PIWIL2: variants seen among roughly 807,000 people sequenced by gnomAD.
PIWIL2 encodes the protein piwi-like protein 2.
In PIWIL2, 81 loss-of-function variants were observed where a neutral mutation model predicts 116.5. That is an observed-to-expected ratio of 0.70 (90% CI 0.58 to 0.84). PIWIL2 has a LOEUF of 0.84. PIWIL2 is among the 40% of genes least tolerant of loss of function. The pLI is 0.00. For synonymous variants in PIWIL2, 489 were observed against 429.5 expected, an observed-to-expected ratio of 1.14 and a Z score of -1.71; for missense variants, 1,272 against 1,212.3, an observed-to-expected ratio of 1.05 and a Z score of -0.73.
rs140845698 is a variant in PIWIL2, at chr8:22,351,804, G to T, written c.2404-1155G>T. On this transcript the variant is annotated intron_variant, in intron 20 of 22. Transcript: ENST00000356766. ...TCCACCCACCTCGGCCTCTGAGAGT[G>T]CTGGGATTACAGGCGTGACCCACCG... Among the ~76,000 whole-genome samples the T allele has an allele frequency of 4.4e-3, 665 of 151,704 alleles. 7 individuals carry two copies. Among genetic ancestry groups the T allele is most frequent in the African/African-American group, 0.016 (642 of 41,340 alleles).
intron 20 of PIWIL2, among the ~76,000 whole-genome samples, chr8:22,352,267 A>G (rs1209937884): frequency 6.6e-6 from 1 of 152,222 alleles, no homozygotes; most frequent in Non-Finnish European, 1.5e-5. Flanking sequence ...TTGAAGTTGA[A>G]CACAACTAGA....
At position 22,305,292 on chromosome 8, in the gene PIWIL2, A is replaced by AG. The variant is rs570558550; in HGVS notation, c.1455+424_1455+425insG. ...ACTGCAAGCTCCGCCTCCCGGGTTC[A>AG]CATCATTCTCCTGCCTCAGCCTCCT... On this transcript the variant is annotated intron_variant, in intron 12 of 22. Coordinates refer to ENST00000356766, the MANE Select transcript of PIWIL2 (RefSeq NM_018068.5). 2.0e-5 allele frequency among the ~76,000 whole-genome samples: 3 copies of AG among 152,116 alleles called. No individual in the cohort carries two copies. The East Asian group carries it at 5.8e-4, about 29-fold the overall frequency.
chr8:22,308,523 C>T (rs1054921009), intron 14 of PIWIL2, among the ~76,000 whole-genome samples: 1 of 151,798 alleles, frequency 6.6e-6, no homozygotes, highest in Non-Finnish European at 1.5e-5. Context: ...TGTCGAGGCA[C>T]GAGCCTGTAA....
At chr8:22,352,879 C>A in intron 20 of PIWIL2, 80 bp from the exon 21 acceptor site, 1 of 1,392,104 alleles carries the variant, frequency 7.2e-7, no homozygotes, top group Non-Finnish European at 9.9e-7. Context: ...CCAGGCTACA[C>A]AATGCGAGTG....
intron 20 of PIWIL2, among the ~76,000 whole-genome samples, chr8:22,322,445 G>A (rs117427499): frequency 1.3e-5 from 2 of 150,970 alleles, no homozygotes; most frequent in African/African-American, 4.9e-5. Context: ...GAGACAGAGG[G>A]TCACTATATT....
chr8:22,281,552 C>G (rs2131980973), intron 4 of PIWIL2, 37 bp downstream of exon 4: 1 of 1,503,874 alleles, frequency 6.6e-7, no homozygotes, highest in Non-Finnish European at 8.9e-7. Context: ...CTATCAAATT[C>G]AGATGGAATA....
At position 22,353,062 on chromosome 8, in the gene PIWIL2, G is replaced by C; in HGVS notation, c.2507G>C (p.Cys836Ser). Residue 836 changes from cysteine to serine, a missense_variant, in exon 21 of 23, where the codon TGT becomes TCT. Cys to Ser is a moderately radical substitution (Grantham distance 112). Transcript: ENST00000356766. The part of the protein sequence containing the change: ...ANYEIPQLQK[C>S]FEAFENYQPK... ...TATGAGATTCCTCAACTACAGAAGT[G>C]TTTTGAAGCTTTTGAGAATTATCAG... 6.2e-7 allele frequency: 1 copy of C among 1,614,190 alleles called. No individual in the cohort carries two copies. The highest frequency in any genetic ancestry group is 8.5e-7 in the Non-Finnish European group (1 of 1,180,016).
chr8:22,343,872 A>T (rs1832166165), intron 20 of PIWIL2, among the ~76,000 whole-genome samples: 1 of 152,192 alleles, frequency 6.6e-6, no homozygotes, highest in Non-Finnish European at 1.5e-5. Flanking sequence ...ACATACCAAC[A>T]ATCACGCTCC....
At chr8:22,280,345 G>T (rs2131978368) in intron 2 of PIWIL2, among the ~76,000 whole-genome samples, 1 of 152,266 alleles carries the variant, frequency 6.6e-6, no homozygotes, top group East Asian at 1.9e-4. Flanking sequence ...AGTTATTGCT[G>T]CTGCTGTGTG....
At chr8:22,282,640 T>C (rs1044874058) in intron 4 of PIWIL2, among the ~76,000 whole-genome samples, 34 of 151,922 alleles carry the variant, frequency 2.2e-4, no homozygotes, top group African/African-American at 8.0e-4. Context: ...ACCCAGGCTT[T>C]AGTGCAGTGG....
chr8:22,326,748 A>G (rs940167566), intron 20 of PIWIL2, among the ~76,000 whole-genome samples: 8 of 152,308 alleles, frequency 5.3e-5, no homozygotes, highest in African/African-American at 1.7e-4. Context: ...CTTGTTGATA[A>G]ACATTTGGGC....
At position 22,322,510 on chromosome 8, in the gene PIWIL2, C is replaced by T. The variant is rs554240969; in HGVS notation, c.2403+4235C>T. Among the ~76,000 whole-genome samples, 82 of 152,218 alleles carry T rather than the reference C, an allele frequency of 5.4e-4. 1 individual carries two copies. The highest frequency in any genetic ancestry group is 2.4e-4 in the Non-Finnish European group (16 of 68,026). ...CTCAAACTCCTGGCCTCAAGCTATCCGCCTACTCAGCGTCCCAGAGTGCTG... is the reference window on the plus strand; with the variant it reads ...CTCAAACTCCTGGCCTCAAGCTATCTGCCTACTCAGCGTCCCAGAGTGCTG... On this transcript the variant is annotated intron_variant, in intron 20 of 22. Coordinates refer to ENST00000356766, the MANE Select transcript of PIWIL2 (RefSeq NM_018068.5).
At chr8:22,299,635 A>G (rs995010568) in intron 10 of PIWIL2, among the ~76,000 whole-genome samples, 9 of 152,220 alleles carry the variant, frequency 5.9e-5, no homozygotes, top group Admixed American at 3.9e-4. Context: ...GTAAAGGTAC[A>G]ATTGACATCC....
At position 22,355,334 on chromosome 8, in the gene PIWIL2, C is replaced by G; in HGVS notation, c.2766-15C>G. On this transcript the variant is annotated splice_polypyrimidine_tract_variant and intron_variant, in intron 22 of 22. Transcript: ENST00000356766. The stretch of plus-strand genomic sequence containing the variant: ...TGGGGGATGATGAGAATTATATTTT[C>G]TTCTTGGCCTACAGGCTGACTTTCA... The G allele has an allele frequency of 6.2e-7, 1 of 1,613,612 alleles. No homozygotes were observed.
At chr8:22,297,529 T>C (rs904005103) in intron 10 of PIWIL2, among the ~76,000 whole-genome samples, 1 of 152,164 alleles carries the variant, frequency 6.6e-6, no homozygotes, top group African/African-American at 2.4e-5. Context: ...GTAATGCATC[T>C]AGTTGTGATT....
chr8:22,279,737 G>C (rs1002261937), intron 2 of PIWIL2, among the ~76,000 whole-genome samples, 153 bp downstream of exon 2: 36 of 152,242 alleles, frequency 2.4e-4, no homozygotes, highest in African/African-American at 8.7e-4. Context: ...TGGATCATCT[G>C]AGGTCGGGAG....
rs1025334456 is a variant in PIWIL2 at position 22,349,415 on chromosome 8, GTGTGTATATA to G, written c.2404-3542_2404-3533del. 3.7e-4 allele frequency among the ~76,000 whole-genome samples: 50 copies of G among 134,946 alleles called. No individual in the cohort carries two copies. The South Asian group carries it at 0.011, about 29-fold the overall frequency. The allele number at this position is 134,946 out of a possible 152,430, so 88.5% of individuals were successfully genotyped here. On this transcript the variant is annotated intron_variant, in intron 20 of 22. Coordinates refer to ENST00000356766, the MANE Select transcript of PIWIL2 (RefSeq NM_018068.5). ...CAACTTTTGTGTACAATATATGTGT[GTGTGTATATA>G]TATATATATATATATATATAAATTT...
intron 11 of PIWIL2, among the ~76,000 whole-genome samples, chr8:22,304,546 A>G (rs1831129711): frequency 6.6e-6 from 1 of 152,146 alleles, no homozygotes; most frequent in African/African-American, 2.4e-5. Context: ...CTTTAGCCTG[A>G]TGTTTTTAAC....
At chr8:22,353,970 C>CTTG (rs894535043) in intron 21 of PIWIL2, among the ~76,000 whole-genome samples, 2 of 151,754 alleles carry the variant, frequency 1.3e-5, no homozygotes, top group African/African-American at 4.8e-5. Flanking sequence ...GAGACAGGGT[C>CTTG]TTGCCATGTT....
Sources: gnomAD v4.1 joint callset for allele counts (sites outside exome capture counted in the v4.1 genomes callset) on GRCh38, gnomAD v4.1.1 for gene constraint, MANE v1.5 for transcripts, NCBI Gene and HGNC (gene_info 2026-07-23, HGNC 2026-07-21) for gene names.